The following FUT8 variants were observed in gnomAD, a reference collection of about 807,000 sequenced individuals.
FUT8 encodes fucosyltransferase 8, also known as alpha-(1,6)-fucosyltransferase.
A neutral mutation model predicts 71.3 loss-of-function variants in FUT8; 29 were observed. That is an observed-to-expected ratio of 0.41 (90% confidence interval 0.30 to 0.55). The LOEUF is 0.55. Among genes scored for constraint, FUT8 ranks in the 20% least tolerant of loss-of-function variants. The probability of loss-of-function intolerance (pLI) is 0.34; values close to 1 mark genes in which losing one functional copy is unlikely to be tolerated. For synonymous variants in FUT8, 254 were observed against 239.3 expected (o/e 1.06, Z -0.57); for missense variants, 544 against 702.1 (o/e 0.77, Z 2.55).
At chr14:65,704,626 G>A (rs1894471035) in intron 7 of FUT8, among the ~76,000 whole-genome samples, 1 of 152,210 alleles carries the variant, frequency 6.6e-6, no homozygotes, top group Non-Finnish European at 1.5e-5. Flanking sequence ...CAAAGAGACT[G>A]TTGGCAGTAT....
At chr14:65,740,920 C>T (rs1001909682) in intron 10 of FUT8, among the ~76,000 whole-genome samples, 6 of 151,906 alleles carry the variant, frequency 3.9e-5, no homozygotes, top group Admixed American at 6.6e-5. Context: ...AAAAGACTGC[C>T]GGGTAGTCCT....
chr14:65,740,471 C>T (rs551487468), intron 10 of FUT8, among the ~76,000 whole-genome samples: 1 of 152,056 alleles, frequency 6.6e-6, no homozygotes, highest in East Asian at 1.9e-4. Context: ...TAGGCATCTC[C>T]ATTTGTATTA....
chr14:65,532,153 G>T (rs1023046298), intron 2 of FUT8, among the ~76,000 whole-genome samples: 2 of 152,128 alleles, frequency 1.3e-5, no homozygotes, highest in African/African-American at 4.8e-5. Context: ...GGGATTCCTG[G>T]ATCGAATGGT....
At position 65,421,178 on chromosome 14, in the gene FUT8, C is replaced by G. The variant is rs117111111; in HGVS notation, c.-326+7964C>G. On this transcript the variant is annotated intron_variant, in intron 1 of 10. Coordinates refer to ENST00000673929, the MANE Select transcript of FUT8 (RefSeq NM_001371533.1). The stretch of plus-strand genomic sequence containing the variant: ...ACTGCCCTCCAGCCTGGCGACAGAG[C>G]GGGACTCCATCTCAGGAAAAAAAAA... Among the ~76,000 whole-genome samples the G allele has an allele frequency of 5.7e-4, 71 of 123,690 alleles. No individual in the cohort carries two copies. The East Asian group carries it at 0.016, about 28-fold the overall frequency. The allele number at this position is 123,690 out of a possible 152,430, so 81.1% of individuals were successfully genotyped here. A position where few individuals can be genotyped will look rare whatever the true frequency, so the allele number is the denominator to read the frequency against.
chr14:65,459,786 T>C (rs1244118645), intron 2 of FUT8, among the ~76,000 whole-genome samples: 1 of 152,120 alleles, frequency 6.6e-6, no homozygotes, highest in Non-Finnish European at 1.5e-5. Flanking sequence ...TCACGAACAC[T>C]GCCAGGCCTT....
At chr14:65,357,785 T>C in the FUT8 span, among the ~76,000 whole-genome samples, 1 of 152,200 alleles carries the variant, frequency 6.6e-6, no homozygotes, top group Non-Finnish European at 1.5e-5. Flanking sequence ...GCAAATCACA[T>C]AAAATAGTGT....
At chr14:65,585,444 C>T (rs1425587986) in intron 3 of FUT8, among the ~76,000 whole-genome samples, 3 of 152,132 alleles carry the variant, frequency 2.0e-5, no homozygotes, top group East Asian at 3.9e-4. Flanking sequence ...AACGTGGCCT[C>T]CCAGAGTTTT....
intron 1 of FUT8, among the ~76,000 whole-genome samples, chr14:65,454,529 G>GGT (rs2065871416): frequency 6.6e-6 from 1 of 152,096 alleles, no homozygotes; most frequent in African/African-American, 2.4e-5. Flanking sequence ...TTACCTTTGT[G>GGT]GTGGGAGGAG....
At chr14:65,391,704 T>C in the FUT8 span, among the ~76,000 whole-genome samples, 6 of 150,806 alleles carry the variant, frequency 4.0e-5, no homozygotes, top group African/African-American at 1.5e-4. Flanking sequence ...GTCAGGCTGG[T>C]CTCGAACTCC....
At chr14:65,451,988 T>C (rs538189479) in intron 1 of FUT8, among the ~76,000 whole-genome samples, 19 of 152,068 alleles carry the variant, frequency 1.2e-4, no homozygotes, top group Non-Finnish European at 1.6e-4. Context: ...GGCTTGAGGG[T>C]GAGGTTATGC....
chr14:65,677,151 T>TGTGTGTGTGTGTGTGCGCGC lies in FUT8; in HGVS notation c.835+7672_835+7673insTGTGTGTGTGTGTGCGCGCG. On this transcript the variant is annotated intron_variant, in intron 7 of 10. Transcript: ENST00000673929. ...GTGTGTGTGTGTGTGTGTGTGTGTG[T>TGTGTGTGTGTGTGTGCGCGC]GCGCGCGCGCATGCGCGCGCACGTA... Among the ~76,000 whole-genome samples, 589 of 110,676 alleles carry TGTGTGTGTGTGTGTGCGCGC rather than the reference T, an allele frequency of 5.3e-3. 6 individuals are homozygous for TGTGTGTGTGTGTGTGCGCGC. The highest frequency in any genetic ancestry group is 7.1e-3 in the Non-Finnish European group (395 of 55,664). The allele number at this position is 110,676 out of a possible 152,430, so 72.6% of individuals were successfully genotyped here.
the FUT8 span, among the ~76,000 whole-genome samples, chr14:65,363,650 C>A: frequency 6.6e-6 from 1 of 152,170 alleles, no homozygotes; most frequent in East Asian, 1.9e-4. Flanking sequence ...GCATCCTTGC[C>A]TCTAAAGACA....
chr14:65,604,454 A>G (rs1173741515), intron 3 of FUT8, among the ~76,000 whole-genome samples: 4 of 151,974 alleles, frequency 2.6e-5, no homozygotes, highest in African/African-American at 9.7e-5. Context: ...AGGAACCTTT[A>G]AAACCATGCA....
chr14:65,730,791 A>G (rs1654265028), intron 9 of FUT8, among the ~76,000 whole-genome samples: 1 of 152,250 alleles, frequency 6.6e-6, no homozygotes, highest in Non-Finnish European at 1.5e-5. Flanking sequence ...GAATCACAGA[A>G]TCATTGACAG....
chr14:65,742,299 T>C lies in FUT8; in HGVS notation c.1617T>C (p.Tyr539=), dbSNP rs45446995. 3.2e-4 allele frequency: 517 copies of C among 1,613,030 alleles called. No individual in the cohort carries two copies. The highest frequency in any genetic ancestry group is 4.2e-4 in the Non-Finnish European group (501 of 1,179,352). The change falls in exon 11 of 11, where the codon TAT becomes TAC. Residue 539 remains tyrosine, a synonymous_variant. Coordinates refer to ENST00000673929, the MANE Select transcript of FUT8 (RefSeq NM_001371533.1). ...IGVAGNHWDG[Y]SKGVNRKLGR... is the part of the protein sequence containing the mutation. ...TGGCTGGAAATCATTGGGATGGCTA[T>C]TCTAAAGGTGTCAACAGGAAATTGG...
At chr14:65,466,747 C>CA (rs1192565049) in intron 2 of FUT8, among the ~76,000 whole-genome samples, 69 of 143,044 alleles carry the variant, frequency 4.8e-4, no homozygotes, top group East Asian at 8.0e-4. Flanking sequence ...AAGACTGTCT[C>CA]AAAAAAAAAA....
chr14:65,386,652 C>A, the FUT8 span, among the ~76,000 whole-genome samples: 1 of 151,674 alleles, frequency 6.6e-6, no homozygotes, highest in East Asian at 1.9e-4. Context: ...TCTTTGTCTA[C>A]CAATTTTATT....
intron 2 of FUT8, among the ~76,000 whole-genome samples, chr14:65,485,175 A>T (rs76943491): frequency 6.8e-6 from 1 of 147,528 alleles, no homozygotes; most frequent in Non-Finnish European, 1.5e-5. Context: ...CGTCTCTATT[A>T]AAAAAAATAA....
At chr14:65,533,353 T>G (rs1884079805) in intron 2 of FUT8, among the ~76,000 whole-genome samples, 1 of 152,194 alleles carries the variant, frequency 6.6e-6, no homozygotes, top group African/African-American at 2.4e-5. Context: ...GTAATTCTCA[T>G]TGTAAAGATC....
Sources: gnomAD v4.1 joint callset for allele counts (sites outside exome capture counted in the v4.1 genomes callset) on GRCh38, gnomAD v4.1.1 for gene constraint, MANE v1.5 for transcripts, NCBI Gene and HGNC (gene_info 2026-07-23, HGNC 2026-07-21) for gene names.